CASP6: variants seen among roughly 807,000 people sequenced by gnomAD.
CASP6 encodes the protein caspase 6.
Under a neutral mutation model 31.8 loss-of-function variants are expected in CASP6, and 20 were observed. The ratio of observed to expected loss-of-function variants is 0.63; its 90% CI spans 0.44 to 0.91. CASP6 has a LOEUF of 0.91. Ranked by LOEUF, CASP6 falls within the 40% of genes least tolerant of loss-of-function variation. The pLI, the probability that CASP6 is intolerant of heterozygous loss-of-function variation, is 0.00. For missense variants in CASP6, 328 were observed against 361.1 expected, an observed-to-expected ratio of 0.91 and a Z score of 0.74; for synonymous variants, 130 against 127.8, an observed-to-expected ratio of 1.02 and a Z score of -0.12.
chr4:109,706,002 ATATAT>A (rs1466831747), upstream of CASP6, among the ~76,000 whole-genome samples: 52 of 18,408 alleles, frequency 2.8e-3, 1 homozygote, highest in Non-Finnish European at 3.2e-3. Flanking sequence ...AAAAAAAAAA[ATATAT>A]ATATATATAT....
At chr4:109,698,505 T>G (rs1046978036) in intron 1 of CASP6, among the ~76,000 whole-genome samples, 163 bp from the exon 2 acceptor site, 10 of 152,220 alleles carry the variant, frequency 6.6e-5, no homozygotes, top group Non-Finnish European at 8.8e-5. Flanking sequence ...GGGAAACTGC[T>G]TACTAATAAA....
At chr4:109,690,249 C>CACAA (rs749778708) in intron 6 of CASP6, among the ~76,000 whole-genome samples, 1 of 54,630 alleles carries the variant, frequency 1.8e-5, no homozygotes, top group Non-Finnish European at 3.7e-5. Flanking sequence ...AAAAAAAAAA[C>CACAA]GCACGCACGC....
intron 3 of CASP6, among the ~76,000 whole-genome samples, chr4:109,697,232 A>T (rs1029919293): frequency 6.6e-6 from 1 of 151,696 alleles, no homozygotes; most frequent in African/African-American, 2.4e-5. Flanking sequence ...TTAATTTTTA[A>T]TTTTTTTTAA....
chr4:109,697,525 C>T, intron 3 of CASP6, 97 bp downstream of exon 3: 3 of 1,412,582 alleles, frequency 2.1e-6, no homozygotes, highest in Non-Finnish European at 2.8e-6. Flanking sequence ...CCTTGGCTTC[C>T]CAAAGTGCTG....
the CASP6 span, chr4:109,681,410 G>A: frequency 1.1e-3 from 501 of 446,766 alleles, 4 homozygotes; most frequent in South Asian, 3.4e-3. Flanking sequence ...TGTCTCTGGC[G>A]ATCTACCTTT....
rs149474799 is a variant in CASP6, at chr4:109,693,410, G to A, written c.483+1115C>T. Among the ~76,000 whole-genome samples, 156 of 152,238 alleles carry A rather than the reference G, an allele frequency of 1.0e-3. 1 individual carries two copies. Among genetic ancestry groups the A allele is most frequent in the African/African-American group, 3.5e-3 (145 of 41,552 alleles). ...CTTTTGTAGTTCAAAATCTTTGGCC[G>A]GGCACAGTGGCTCACGCCTGTAATC... On this transcript the variant is annotated intron_variant, in intron 5 of 6. Coordinates refer to ENST00000265164, the MANE Select transcript of CASP6 (RefSeq NM_001226.4).
At chr4:109,705,583 C>T (rs113981213), upstream of CASP6, among the ~76,000 whole-genome samples, 3,786 of 152,070 alleles carry the variant, frequency 0.025, 148 homozygotes, top group African/African-American at 0.086. Flanking sequence ...ATTCATCATT[C>T]GAGATGCCAT....
chr4:109,667,455 G>T, the CASP6 span, among the ~76,000 whole-genome samples: 4 of 151,742 alleles, frequency 2.6e-5, no homozygotes, highest in Admixed American at 1.3e-4. Context: ...TCTACCATGA[G>T]TAACTTGTTG....
Position 109,694,545 on chromosome 4 carries a change from G to T in CASP6, c.463C>A (p.Pro155Thr), listed in dbSNP as rs772855247. 1.2e-6 allele frequency: 2 copies of T among 1,602,652 alleles called. No individual in the cohort carries two copies. The highest frequency in any genetic ancestry group is 4.5e-5 in the East Asian group (2 of 44,434). Residue 155 changes from proline (P) to threonine (T), a missense_variant, in exon 5 of 7, where the codon CCC becomes ACC. Coordinates refer to ENST00000265164, the MANE Select transcript of CASP6 (RefSeq NM_001226.4). ...CTTACCTGAATGATAAATATCTTGG[G>T]TTTTCCAACCAGGCTGTGACACTTG... ...GDKCHSLVGK[P>T]KIFIIQACRG...
At chr4:109,670,870 G>A in the CASP6 span, among the ~76,000 whole-genome samples, 4 of 152,094 alleles carry the variant, frequency 2.6e-5, no homozygotes, top group Non-Finnish European at 5.9e-5. Context: ...TCACAAAAGT[G>A]TGGGAATGCG....
intron 4 of CASP6, among the ~76,000 whole-genome samples, chr4:109,695,598 A>T (rs1222665057): frequency 6.6e-6 from 1 of 152,120 alleles, no homozygotes; most frequent in African/African-American, 2.4e-5. Context: ...TCTACTAAAA[A>T]TACAAAAATT....
the CASP6 span, chr4:109,673,906 C>T: frequency 0.011 from 8,933 of 776,832 alleles, 574 homozygotes; most frequent in African/African-American, 0.13. Flanking sequence ...CAAACTTATT[C>T]GAAAAGCTAA....
At chr4:109,684,280 T>C (rs1297952041), downstream of CASP6, among the ~76,000 whole-genome samples, 2 of 152,148 alleles carry the variant, frequency 1.3e-5, no homozygotes, top group African/African-American at 2.4e-5. Flanking sequence ...ACCAGGATGG[T>C]CTCGATCTCC....
At chr4:109,677,510 G>A in the CASP6 span, among the ~76,000 whole-genome samples, 70 of 152,306 alleles carry the variant, frequency 4.6e-4, no homozygotes, top group African/African-American at 1.7e-3. Context: ...CAAAATTCAT[G>A]TGTTAGAAAC....
downstream of CASP6, chr4:109,688,222 C>G (rs1032001906): frequency 2.0e-5 from 3 of 152,180 alleles, no homozygotes; most frequent in Non-Finnish European, 4.4e-5. Flanking sequence ...CTTTCTTCAG[C>G]CTCTGGCAGA....
chr4:109,681,065 T>TAG, the CASP6 span, among the ~76,000 whole-genome samples: 1 of 152,192 alleles, frequency 6.6e-6, no homozygotes, highest in Non-Finnish European at 1.5e-5. Flanking sequence ...CCTTTACTCT[T>TAG]AGTTCTTAGC....
At chr4:109,705,143 T>A (rs1394572174), upstream of CASP6, among the ~76,000 whole-genome samples, 1 of 152,234 alleles carries the variant, frequency 6.6e-6, no homozygotes, top group Non-Finnish European at 1.5e-5. Context: ...TAGGGGCTAA[T>A]ACAACTGATG....
chr4:109,687,493 C>A, downstream of CASP6: 2 of 1,564,002 alleles, frequency 1.3e-6, no homozygotes, highest in Non-Finnish European at 1.8e-6. Context: ...TGATCACATG[C>A]TTTTTCTTTT....
chr4:109,673,751 A>G, the CASP6 span: 1 of 539,584 alleles, frequency 1.9e-6, no homozygotes. Flanking sequence ...CACATAAATG[A>G]GAAATAAGCT....
Sources: allele counts gnomAD v4.1 joint callset (sites outside exome capture counted in the v4.1 genomes callset), GRCh38; gene constraint gnomAD v4.1.1; transcripts MANE v1.5; gene names NCBI Gene and HGNC (gene_info 2026-07-23, HGNC 2026-07-21).